Variants in PCDH9 observed in about 807,000 individuals in gnomAD.
The protein encoded by PCDH9 is protocadherin-9.
In PCDH9, 24 loss-of-function variants were observed where a neutral mutation model predicts 70.6. The observed-to-expected ratio is 0.34, with a 90% CI of 0.25 to 0.48. The LOEUF is 0.48. Ranked by LOEUF, PCDH9 falls within the 20% of genes least tolerant of loss-of-function variation. The pLI is 0.99. For synonymous variants in PCDH9, 562 were observed against 558.5 expected, an observed-to-expected ratio of 1.01 and a Z score of -0.09; for missense variants, 1,281 against 1,503.6, an observed-to-expected ratio of 0.85 and a Z score of 2.45.
chr13:67,094,792 T>G (rs2086288299), intron 2 of PCDH9, among the ~76,000 whole-genome samples: 1 of 152,204 alleles, frequency 6.6e-6, no homozygotes, highest in Non-Finnish European at 1.5e-5. Flanking sequence ...GTGAATTTTC[T>G]GAATTCCATT....
chr13:66,536,837 A>AC (rs57292857), intron 4 of PCDH9, among the ~76,000 whole-genome samples: 1 of 152,010 alleles, frequency 6.6e-6, no homozygotes, highest in Non-Finnish European at 1.5e-5. Context: ...AAAAGCAGAT[A>AC]GACACCAGTT....
At chr13:66,809,284 C>A (rs113906778) in intron 3 of PCDH9, among the ~76,000 whole-genome samples, 2 of 152,010 alleles carry the variant, frequency 1.3e-5, no homozygotes, top group African/African-American at 2.4e-5. Context: ...TACCTTGAGG[C>A]TAGGTATAAA....
In PCDH9 at chr13:66,621,956, G is replaced by A. The variant is rs1209977354; in HGVS notation, c.3340+9254C>T. 2.6e-5 allele frequency among the ~76,000 whole-genome samples: 4 copies of A among 152,342 alleles called. No individual in the cohort carries two copies. In the East Asian group the frequency reaches 7.7e-4, roughly 30 times the overall value. On this transcript the variant is annotated intron_variant, in intron 4 of 4. Transcript: ENST00000377865. ...TGCAGGGAGGTGTGGAGGAAGAAGC[G>A]CCAGCGGGAACCGGGGCTGCGCGTG...
chr13:66,411,786 A>G (rs1225284837), intron 4 of PCDH9, among the ~76,000 whole-genome samples: 1 of 152,202 alleles, frequency 6.6e-6, no homozygotes, highest in Non-Finnish European at 1.5e-5. Flanking sequence ...AACTTTTACT[A>G]TGTAAAGTCA....
chr13:67,171,217 C>T (rs1354726225), intron 2 of PCDH9, among the ~76,000 whole-genome samples: 3 of 152,126 alleles, frequency 2.0e-5, no homozygotes, highest in Non-Finnish European at 4.4e-5. Context: ...ATTATATGTA[C>T]GGTAACCCAA....
chr13:66,974,756 T>G (rs1258419999), intron 2 of PCDH9, among the ~76,000 whole-genome samples: 1 of 152,068 alleles, frequency 6.6e-6, no homozygotes, highest in Non-Finnish European at 1.5e-5. Flanking sequence ...AATGACAAGT[T>G]GCACATATAC....
intron 3 of PCDH9, among the ~76,000 whole-genome samples, chr13:66,811,032 A>G (rs2080495800): frequency 6.6e-6 from 1 of 152,114 alleles, no homozygotes; most frequent in African/African-American, 2.4e-5. Flanking sequence ...TTGAAAATTT[A>G]TTGTAGTTTC....
intron 2 of PCDH9, among the ~76,000 whole-genome samples, chr13:67,098,725 A>G (rs2086372485): frequency 2.0e-5 from 3 of 152,160 alleles, no homozygotes; most frequent in Non-Finnish European, 4.4e-5. Context: ...ATAAAGAATA[A>G]TGCAAAATAA....
At chr13:66,627,682 C>T (rs1212608257) in intron 4 of PCDH9, among the ~76,000 whole-genome samples, 3 of 152,232 alleles carry the variant, frequency 2.0e-5, no homozygotes, top group Non-Finnish European at 2.9e-5. Context: ...AGTTTAAAGA[C>T]GTTTTAGTGA....
At chr13:66,629,297 C>A (rs1004857944) in intron 4 of PCDH9, among the ~76,000 whole-genome samples, 1 of 152,124 alleles carries the variant, frequency 6.6e-6, no homozygotes, top group Admixed American at 6.5e-5. Context: ...GGCCCATAGA[C>A]AAGAGGAGCC....
At chr13:66,613,963 G>C (rs1427972276) in intron 4 of PCDH9, among the ~76,000 whole-genome samples, 1 of 152,172 alleles carries the variant, frequency 6.6e-6, no homozygotes, top group African/African-American at 2.4e-5. Flanking sequence ...TAGGTTTTGA[G>C]AACTATTTGA....
Position 66,934,374 on chromosome 13 carries a change from T to C in PCDH9, c.3037-30769A>G, listed in dbSNP as rs553119301. ...TGGTGAAACCCCGAAACCCCGTCTC[T>C]AGTAAAAACACAAAAAATTAGCTGG... is the stretch of plus-strand genomic sequence containing the variant. On this transcript the variant is annotated intron_variant, in intron 2 of 4. Transcript: ENST00000377865. 2.9e-4 allele frequency among the ~76,000 whole-genome samples: 44 copies of C among 151,768 alleles called. No homozygotes were observed. In the East Asian group the frequency reaches 8.4e-3, roughly 29 times the overall value.
At chr13:66,795,240 C>T (rs1056135077) in intron 3 of PCDH9, among the ~76,000 whole-genome samples, 3 of 152,024 alleles carry the variant, frequency 2.0e-5, no homozygotes, top group South Asian at 2.1e-4. Context: ...CATCCCTAAT[C>T]CAAAAATTCA....
At chr13:66,934,739 G>C (rs1325856573) in intron 2 of PCDH9, among the ~76,000 whole-genome samples, 1 of 40,138 alleles carries the variant, frequency 2.5e-5, no homozygotes, top group Non-Finnish European at 4.4e-5. Flanking sequence ...TTTTTTTTTT[G>C]AGACGGAGTC....
At chr13:66,320,645 C>T (rs903415064) in intron 4 of PCDH9, among the ~76,000 whole-genome samples, 10 of 151,980 alleles carry the variant, frequency 6.6e-5, no homozygotes, top group Middle Eastern at 6.8e-3. Flanking sequence ...ACTTCATGGC[C>T]ATGTTATAAC....
chr13:66,631,647 G>C (rs537212465), intron 3 of PCDH9, among the ~76,000 whole-genome samples: 1 of 152,178 alleles, frequency 6.6e-6, no homozygotes, highest in African/African-American at 2.4e-5. Flanking sequence ...TAAAACTAAA[G>C]TTGGGGCTTT....
At chr13:67,006,279 T>C (rs578237833) in intron 2 of PCDH9, among the ~76,000 whole-genome samples, 3 of 152,262 alleles carry the variant, frequency 2.0e-5, no homozygotes, top group Non-Finnish European at 4.4e-5. Context: ...AATATTGTTA[T>C]AACACCCTAA....
chr13:66,969,372 T>C (rs1359883021), intron 2 of PCDH9, among the ~76,000 whole-genome samples: 1 of 151,994 alleles, frequency 6.6e-6, no homozygotes, highest in African/African-American at 2.4e-5. Context: ...TGCCCATTGT[T>C]ATATTCAGCA....
intron 4 of PCDH9, among the ~76,000 whole-genome samples, chr13:66,408,099 C>T (rs1957310743): frequency 6.9e-6 from 1 of 145,084 alleles, no homozygotes; most frequent in African/African-American, 2.5e-5. Context: ...TCGCCCAGGC[C>T]GGACTGCGGA....
Sources: gnomAD v4.1 joint callset for allele counts (sites outside exome capture counted in the v4.1 genomes callset) on GRCh38, gnomAD v4.1.1 for gene constraint, MANE v1.5 for transcripts, NCBI Gene and HGNC (gene_info 2026-07-23, HGNC 2026-07-21) for gene names.